The following HAUS6 variants were observed in gnomAD, a reference collection of about 807,000 sequenced individuals.
HAUS6 encodes the protein HAUS augmin like complex subunit 6.
HAUS6 carries 80 observed loss-of-function variants against 106.8 expected under a neutral mutation model. That is an observed-to-expected ratio of 0.75 (90% CI 0.63 to 0.90). The LOEUF (loss-of-function observed/expected upper bound fraction) is 0.90, where lower values mean the gene tolerates loss of function less well. Among genes scored for constraint, HAUS6 ranks in the 40% least tolerant of loss-of-function variants. The pLI is 0.00. For synonymous variants in HAUS6, 356 were observed against 379.1 expected (o/e 0.94, Z 0.71); for missense variants, 1,155 against 1,118.1 (o/e 1.03, Z -0.47).
At chr9:19,067,341 A>C (rs1033054742) in intron 12 of HAUS6, among the ~76,000 whole-genome samples, 4 of 152,226 alleles carry the variant, frequency 2.6e-5, no homozygotes, top group Non-Finnish European at 5.9e-5. Flanking sequence ...ACAGTGAAGA[A>C]TTCTGAGCAG....
chr9:19,064,209 C>T (rs1019728262), intron 12 of HAUS6, among the ~76,000 whole-genome samples: 5 of 152,110 alleles, frequency 3.3e-5, no homozygotes, highest in African/African-American at 7.2e-5. Flanking sequence ...TCAGGTGATC[C>T]GCCCACCTTG....
Position 19,098,645 on chromosome 9 carries a change from C to G in HAUS6, c.129-1876G>C, listed in dbSNP as rs1488937171. ...CCCCTTCTATCTATTCTCTGTAATG[C>G]AACCATATGATTTTTCCAAACTGCA... On this transcript the variant is annotated intron_variant, in intron 1 of 16. Transcript: ENST00000380502. 8.5e-5 allele frequency among the ~76,000 whole-genome samples: 13 copies of G among 152,064 alleles called. 1 individual carries two copies. Among genetic ancestry groups the G allele is most frequent in the Admixed American group, 8.5e-4 (13 of 15,250 alleles).
chr9:19,061,783 T>TA (rs1297719600), intron 14 of HAUS6, among the ~76,000 whole-genome samples: 1 of 152,196 alleles, frequency 6.6e-6, no homozygotes, highest in Non-Finnish European at 1.5e-5. Flanking sequence ...TACAGTGAGC[T>TA]ATAATTACAC....
Position 19,058,862 on chromosome 9 carries a change from G to A in HAUS6, c.1905C>T (p.Ser635=), listed in dbSNP as rs1836542939. The change falls in exon 16 of 17, where the codon AGC becomes AGT. Residue 635 remains serine, a synonymous_variant. Coordinates refer to ENST00000380502, the MANE Select transcript of HAUS6 (RefSeq NM_017645.5). The stretch of plus-strand genomic sequence containing the variant: ...TGGTTTCTAAGAGAAAATCAGCCAT[G>A]CTAAATTCTCTTTGATTGTGCAACA... ...LPVLHNQREF[S]MADFLLETTV... is the part of the protein sequence containing the mutation. The A allele has an allele frequency of 6.2e-7, 1 of 1,613,602 alleles. No individual in the cohort carries two copies. Among genetic ancestry groups the A allele is most frequent in the Non-Finnish European group, 8.5e-7 (1 of 1,179,596 alleles).
intron 14 of HAUS6, among the ~76,000 whole-genome samples, chr9:19,061,261 T>C (rs111813757): frequency 1.3e-5 from 2 of 152,320 alleles, no homozygotes; most frequent in African/African-American, 4.8e-5. Context: ...TTCTGGGAAT[T>C]AAAACACTAA....
At position 19,057,958 on chromosome 9, in the gene HAUS6, T is replaced by G. The variant is rs775004261; in HGVS notation, c.2806+3A>C. On this transcript the variant is annotated splice_donor_region_variant and intron_variant, in intron 16 of 16. Transcript: ENST00000380502. ...AATATGCATAGGTCTATTTAAACCT[T>G]ACCCTTTAAATTAGGTAGTTCTCCA... 2.5e-6 allele frequency: 4 copies of G among 1,576,068 alleles called. No individual in the cohort carries two copies. In the Admixed American group the frequency reaches 7.0e-5, roughly 27 times the overall value.
chr9:19,055,303 G>A lies in HAUS6; in HGVS notation c.*1040C>T, dbSNP rs1836444780. On this transcript the variant is annotated 3_prime_UTR_variant, in exon 17 of 17. Transcript: ENST00000380502. ...CCTGTTCCATTCCTCCTGGTTCACA[G>A]AGGGCAATAGTATGTGTTCACTTGG... 2 of 152,222 alleles carry A rather than the reference G, an allele frequency of 1.3e-5. No individual in the cohort carries two copies. The highest frequency in any genetic ancestry group is 4.1e-4 in the South Asian group (2 of 4,834). 9.4% of individuals were successfully genotyped at this position (152,222 alleles called of 1,614,324 possible). A position where few individuals can be genotyped will look rare whatever the true frequency, so the allele number is the denominator to read the frequency against.
Position 19,063,548 on chromosome 9 carries a change from G to C in HAUS6, c.1409C>G (p.Ser470Ter). 1 of 1,605,292 alleles carries C rather than the reference G, an allele frequency of 6.2e-7. No individual in the cohort carries two copies. Among genetic ancestry groups the C allele is most frequent in the Non-Finnish European group, 8.5e-7 (1 of 1,172,008 alleles). Residue 470 changes from serine (S) to a stop codon, truncating the protein, a stop_gained, in exon 13 of 17, where the codon TCA becomes TGA. Coordinates refer to ENST00000380502, the MANE Select transcript of HAUS6 (RefSeq NM_017645.5). LOFTEE classifies it high-confidence loss of function. ...PASFLSQSVS[S>*]SDRNSVTVLE... Reference sequence around the variant, plus strand: ...TACTGTAACACTGTTTCTATCTGATGATGAAACTGACTGCGACAAGAAAGA... The same window carrying C: ...TACTGTAACACTGTTTCTATCTGATCATGAAACTGACTGCGACAAGAAAGA...
At chr9:19,065,287 G>A (rs1037565041) in intron 12 of HAUS6, among the ~76,000 whole-genome samples, 1 of 152,194 alleles carries the variant, frequency 6.6e-6, no homozygotes, top group South Asian at 2.1e-4. Context: ...GCCATGCCAA[G>A]ATTGAGGCCT....
At chr9:19,060,244 T>A in intron 14 of HAUS6, 21 bp from the exon 15 acceptor site, 1 of 1,505,482 alleles carries the variant, frequency 6.6e-7, no homozygotes, top group Non-Finnish European at 8.9e-7. Context: ...AAAGAAAAAG[T>A]AAAGCAAAGA....
intron 11 of HAUS6, among the ~76,000 whole-genome samples, chr9:19,072,292 C>A (rs112792028): frequency 0.2 from 30,749 of 152,086 alleles, 4,162 homozygotes; most frequent in Non-Finnish European, 0.3. Context: ...GCGGGCAGAT[C>A]ACTTGAGGTC....
At chr9:19,060,354 C>G in intron 14 of HAUS6, 131 bp from the exon 15 acceptor site, 1 of 663,592 alleles carries the variant, frequency 1.5e-6, no homozygotes, top group Non-Finnish European at 2.4e-6. Context: ...CAAAAATAAG[C>G]AACAAAGAAG....
At chr9:19,085,367 C>G (rs1369060839) in intron 7 of HAUS6, among the ~76,000 whole-genome samples, 2 of 152,116 alleles carry the variant, frequency 1.3e-5, no homozygotes, top group Non-Finnish European at 2.9e-5. Flanking sequence ...ATCAGAGATT[C>G]ATTAAATGGA....
At chr9:19,060,417 G>C (rs116470792) in intron 14 of HAUS6, among the ~76,000 whole-genome samples, 194 bp from the exon 15 acceptor site, 2,877 of 152,268 alleles carry the variant, frequency 0.019, 90 homozygotes, top group African/African-American at 0.066. Context: ...AAAGTGAAAT[G>C]AAACACTGAA....
At chr9:19,068,076 A>G (rs560966379) in intron 12 of HAUS6, among the ~76,000 whole-genome samples, 38 of 151,954 alleles carry the variant, frequency 2.5e-4, no homozygotes, top group Non-Finnish European at 5.0e-4. Context: ...ATCCCTATCA[A>G]TCTTTAGTCC....
At chr9:19,079,896 C>G (rs942979848) in intron 9 of HAUS6, among the ~76,000 whole-genome samples, 1 of 145,992 alleles carries the variant, frequency 6.8e-6, no homozygotes, top group African/African-American at 2.5e-5. Flanking sequence ...AAAAAGGGGC[C>G]TGGCTTGGTG....
At chr9:19,062,379 G>A (rs1836643492) in intron 14 of HAUS6, among the ~76,000 whole-genome samples, 1 of 152,104 alleles carries the variant, frequency 6.6e-6, no homozygotes, top group Non-Finnish European at 1.5e-5. Context: ...TAAACACTGG[G>A]TACATTTATC....
Position 19,070,204 on chromosome 9 carries a change from T to C in HAUS6, c.1376+15A>G. 1 of 1,412,496 alleles carries C rather than the reference T, an allele frequency of 7.1e-7. No homozygotes were observed. Among genetic ancestry groups the C allele is most frequent in the East Asian group, 2.3e-5 (1 of 43,814 alleles). 87.5% of individuals were successfully genotyped at this position (1,412,496 alleles called of 1,614,324 possible). Reference sequence around the variant, plus strand: ...TTTTTTAATGTTTAACAAAAGAAAATCAAATTTGTTTTACCTGTTGGCTAG... The same window carrying C: ...TTTTTTAATGTTTAACAAAAGAAAACCAAATTTGTTTTACCTGTTGGCTAG... On this transcript the variant is annotated intron_variant, in intron 12 of 16. Transcript: ENST00000380502.
intron 11 of HAUS6, among the ~76,000 whole-genome samples, chr9:19,072,365 T>TA (rs1405793396): frequency 6.6e-6 from 1 of 151,402 alleles, no homozygotes; most frequent in Non-Finnish European, 1.5e-5. Context: ...ATACAAAAAT[T>TA]AGCCAGGTGT....
Sources: allele counts gnomAD v4.1 joint callset (sites outside exome capture counted in the v4.1 genomes callset), GRCh38; gene constraint gnomAD v4.1.1; transcripts MANE v1.5; gene names NCBI Gene and HGNC (gene_info 2026-07-23, HGNC 2026-07-21).